The following MALRD1 variants were observed in gnomAD, a reference collection of about 807,000 sequenced individuals.
The protein encoded by MALRD1 is MAM and LDL-receptor class A domain-containing protein 1.
MALRD1 carries 247 observed loss-of-function variants against 242.1 expected under a neutral mutation model. The ratio of observed to expected loss-of-function variants is 1.02; its 90% CI spans 0.92 to 1.13. The LOEUF is 1.13. Among genes scored for constraint, MALRD1 ranks in the 50% most tolerant of loss-of-function variants. The pLI, the probability that MALRD1 is intolerant of heterozygous loss-of-function variation, is 0.00. For synonymous variants in MALRD1, 995 were observed against 866.6 expected, an observed-to-expected ratio of 1.15 and a Z score of -2.60; for missense variants, 2,989 against 2,533.1, an observed-to-expected ratio of 1.18 and a Z score of -3.86.
intron 21 of MALRD1, among the ~76,000 whole-genome samples, chr10:19,302,167 A>G (rs1310331786): frequency 6.6e-6 from 1 of 151,794 alleles, no homozygotes; most frequent in Non-Finnish European, 1.5e-5. Context: ...TGCTAATGGT[A>G]ATGTAAAATT....
At chr10:19,436,255 A>G (rs7898562) in intron 28 of MALRD1, among the ~76,000 whole-genome samples, 10,723 of 152,204 alleles carry the variant, frequency 0.07, 1,038 homozygotes, top group African/African-American at 0.22. Flanking sequence ...TGACAGAGCT[A>G]AGAGACCTGA....
At chr10:19,051,159 A>G (rs1358810360) in intron 1 of MALRD1, among the ~76,000 whole-genome samples, 2 of 152,226 alleles carry the variant, frequency 1.3e-5, no homozygotes, top group Non-Finnish European at 2.9e-5. Flanking sequence ...TCTTTTGTAT[A>G]TCACACTGGA....
intron 2 of MALRD1, among the ~76,000 whole-genome samples, chr10:19,076,348 T>C (rs1276514011): frequency 6.6e-6 from 1 of 152,016 alleles, no homozygotes; most frequent in Non-Finnish European, 1.5e-5. Context: ...CTTCTTCATA[T>C]GGATGCTCTT....
chr10:19,615,627 G>A (rs1036669157), intron 35 of MALRD1, among the ~76,000 whole-genome samples: 8 of 151,546 alleles, frequency 5.3e-5, no homozygotes, highest in South Asian at 2.1e-4. Flanking sequence ...CTGTTTTTGC[G>A]GATTATTCAA....
chr10:19,270,843 C>CACAT (rs1554823235), intron 19 of MALRD1, among the ~76,000 whole-genome samples: 1 of 150,260 alleles, frequency 6.7e-6, no homozygotes, highest in Admixed American at 6.6e-5. Flanking sequence ...CACACACACA[C>CACAT]GCACACACAA....
intron 36 of MALRD1, among the ~76,000 whole-genome samples, chr10:19,631,512 T>C (rs1307766714): frequency 6.6e-6 from 1 of 152,188 alleles, no homozygotes; most frequent in Non-Finnish European, 1.5e-5. Context: ...ACATATCCAG[T>C]AATGGGATTG....
chr10:19,216,977 A>T (rs1232539618), intron 18 of MALRD1, among the ~76,000 whole-genome samples: 11 of 151,526 alleles, frequency 7.3e-5, no homozygotes, highest in Non-Finnish European at 1.5e-4. Context: ...AAATAAAATT[A>T]AAAAAAATGA....
intron 5 of MALRD1, among the ~76,000 whole-genome samples, chr10:19,117,562 A>C (rs1836916156): frequency 6.6e-6 from 1 of 152,290 alleles, no homozygotes; most frequent in Admixed American, 6.5e-5. Context: ...TGTAGCTATT[A>C]TATGAATCTA....
chr10:19,107,712 C>T (rs1047051948), intron 5 of MALRD1, among the ~76,000 whole-genome samples: 1 of 150,046 alleles, frequency 6.7e-6, no homozygotes, highest in Non-Finnish European at 1.5e-5. Context: ...TTGTTTCTTT[C>T]TTCTCTTGTT....
chr10:19,475,944 GT>G (rs1174473174), intron 29 of MALRD1, among the ~76,000 whole-genome samples: 1 of 152,164 alleles, frequency 6.6e-6, no homozygotes, highest in Non-Finnish European at 1.5e-5. Context: ...ACGTGGGATT[GT>G]TTTCCTTTTA....
intron 36 of MALRD1, among the ~76,000 whole-genome samples, chr10:19,624,303 A>G (rs1311260222): frequency 1.3e-5 from 2 of 152,186 alleles, no homozygotes; most frequent in African/African-American, 2.4e-5. Context: ...CAACCATACA[A>G]TGGAATGCAA....
intron 7 of MALRD1, among the ~76,000 whole-genome samples, chr10:19,125,289 CTTT>C (rs1837221282): frequency 1.3e-4 from 10 of 77,158 alleles, no homozygotes; most frequent in African/African-American, 6.4e-4. Context: ...TTCTTTCTTT[CTTT>C]CCTTCCTTCC....
At chr10:19,588,932 C>T (rs1010486018) in intron 33 of MALRD1, among the ~76,000 whole-genome samples, 25 of 152,134 alleles carry the variant, frequency 1.6e-4, no homozygotes, top group East Asian at 9.6e-4. Flanking sequence ...CATGAGCCAC[C>T]GCGCCCAGTC....
At chr10:19,603,205 T>C (rs1211714367) in intron 34 of MALRD1, among the ~76,000 whole-genome samples, 3 of 152,158 alleles carry the variant, frequency 2.0e-5, no homozygotes, top group Non-Finnish European at 4.4e-5. Context: ...TAATTAGATC[T>C]CATTTGTCAA....
chr10:19,335,483 A>G (rs1409122260), intron 24 of MALRD1, among the ~76,000 whole-genome samples: 3 of 152,128 alleles, frequency 2.0e-5, no homozygotes, highest in Admixed American at 1.3e-4. Flanking sequence ...CATATGAATT[A>G]TAAGTGGTGT....
intron 18 of MALRD1, among the ~76,000 whole-genome samples, chr10:19,227,853 C>A (rs189652549): frequency 7.9e-5 from 12 of 152,170 alleles, no homozygotes; most frequent in Admixed American, 6.5e-4. Context: ...ATCTAATACA[C>A]AAATGAAAAG....
chr10:19,545,741 A>G (rs777485360), intron 32 of MALRD1, among the ~76,000 whole-genome samples: 6 of 152,192 alleles, frequency 3.9e-5, no homozygotes, highest in Non-Finnish European at 8.8e-5. Context: ...GAAAATTATT[A>G]GACAGATCTG....
chr10:19,618,511 C>G (rs1839266485), intron 36 of MALRD1, among the ~76,000 whole-genome samples: 2 of 151,946 alleles, frequency 1.3e-5, no homozygotes, highest in African/African-American at 4.8e-5. Flanking sequence ...TTTGACTTTT[C>G]AATAATAGCC....
At chr10:19,121,751 C>T (rs1837074164) in intron 5 of MALRD1, among the ~76,000 whole-genome samples, 1 of 152,152 alleles carries the variant, frequency 6.6e-6, no homozygotes, top group Non-Finnish European at 1.5e-5. Context: ...AGCATGTGGA[C>T]AGCTGGCCAG....
Sources: gnomAD v4.1 joint callset for allele counts (sites outside exome capture counted in the v4.1 genomes callset) on GRCh38, gnomAD v4.1.1 for gene constraint, MANE v1.5 for transcripts, NCBI Gene and HGNC (gene_info 2026-07-23, HGNC 2026-07-21) for gene names.